GRM5: variants seen among roughly 807,000 people sequenced by gnomAD.
The protein encoded by GRM5 is metabotropic glutamate receptor 5.
In GRM5, 19 loss-of-function variants were observed where a neutral mutation model predicts 83.1. The ratio of observed to expected loss-of-function variants is 0.23; its 90% CI spans 0.16 to 0.34. GRM5 has a LOEUF of 0.34. Among genes scored for constraint, GRM5 ranks in the 10% least tolerant of loss-of-function variants. The pLI, the probability that GRM5 is intolerant of heterozygous loss-of-function variation, is 1.00. For missense variants in GRM5, 1,160 were observed against 1,588.3 expected (o/e 0.73, Z 4.58); for synonymous variants, 675 against 633.6 (o/e 1.07, Z -0.98).
intron 3 of GRM5, among the ~76,000 whole-genome samples, chr11:88,704,968 C>T (rs564925826): frequency 6.6e-6 from 1 of 152,088 alleles, no homozygotes; most frequent in Non-Finnish European, 1.5e-5. Flanking sequence ...TTGTAATTTT[C>T]CTTTCATCTC....
At chr11:88,900,136 A>T (rs557832616) in intron 2 of GRM5, among the ~76,000 whole-genome samples, 33 of 152,174 alleles carry the variant, frequency 2.2e-4, no homozygotes, top group African/African-American at 6.8e-4. Context: ...AATTAGATGT[A>T]GCTTCTACCG....
chr11:88,866,167 T>C (rs1944660484), intron 2 of GRM5, among the ~76,000 whole-genome samples: 1 of 151,992 alleles, frequency 6.6e-6, no homozygotes, highest in African/African-American at 2.4e-5. Context: ...TGTCCATCAG[T>C]GATAGACTGG....
chr11:88,688,881 G>T (rs16914552), intron 3 of GRM5, among the ~76,000 whole-genome samples: 28,879 of 151,994 alleles, frequency 0.19, 5,435 homozygotes, highest in African/African-American at 0.48. Flanking sequence ...TAACCTCCAT[G>T]AGACATGCTT....
At chr11:88,765,473 G>A (rs7937978) in intron 3 of GRM5, among the ~76,000 whole-genome samples, 108,780 of 150,022 alleles carry the variant, frequency 0.73, 39,813 homozygotes, top group African/African-American at 0.75. Context: ...CATAGTAATC[G>A]TAACAGTGTG....
chr11:88,675,381 T>C (rs541257126), intron 3 of GRM5, among the ~76,000 whole-genome samples: 254 of 152,032 alleles, frequency 1.7e-3, no homozygotes, highest in Non-Finnish European at 2.6e-3. Context: ...GAAAGACTAT[T>C]ATAAGAAGAA....
intron 2 of GRM5, among the ~76,000 whole-genome samples, chr11:88,971,237 T>C (rs1939155370): frequency 6.6e-6 from 1 of 152,200 alleles, no homozygotes. Context: ...TATACACATA[T>C]GTGCATATTA....
chr11:88,877,928 C>T (rs978047036), intron 2 of GRM5, among the ~76,000 whole-genome samples: 6 of 151,880 alleles, frequency 4.0e-5, no homozygotes, highest in South Asian at 4.2e-4. Context: ...GTGGGTGCAG[C>T]GCACCAGCAT....
intron 2 of GRM5, among the ~76,000 whole-genome samples, chr11:88,933,792 A>C (rs1937798612): frequency 2.0e-5 from 3 of 151,742 alleles, no homozygotes; most frequent in Admixed American, 1.3e-4. Context: ...TACCTAAATC[A>C]CTCCAAGGGG....
rs1590874364 is a variant in GRM5, at chr11:88,809,781, G to T, written c.911+40125C>A. Among the ~76,000 whole-genome samples, 6 of 145,758 alleles carry T rather than the reference G, an allele frequency of 4.1e-5. No individual in the cohort carries two copies. In the South Asian group the frequency reaches 1.3e-3, roughly 33 times the overall value. ...GCAGTTAATATGTCAAAAAAAAAAA[G>T]TTGAGGAGATTCTTCAGGAATATGG... On this transcript the variant is annotated intron_variant, in intron 3 of 9. Transcript: ENST00000305447.
intron 2 of GRM5, among the ~76,000 whole-genome samples, chr11:89,021,610 A>T (rs945457292): frequency 2.0e-5 from 3 of 152,218 alleles, no homozygotes; most frequent in African/African-American, 7.2e-5. Flanking sequence ...AATTCCCGTG[A>T]TCCCTTGAAA....
At chr11:88,893,676 C>A (rs1207973213) in intron 2 of GRM5, among the ~76,000 whole-genome samples, 1 of 151,954 alleles carries the variant, frequency 6.6e-6, no homozygotes, top group Non-Finnish European at 1.5e-5. Context: ...TGACTGACAG[C>A]AATTAAACTC....
At chr11:89,033,258 T>A (rs1228239277) in intron 2 of GRM5, among the ~76,000 whole-genome samples, 4 of 151,906 alleles carry the variant, frequency 2.6e-5, no homozygotes, top group Non-Finnish European at 5.9e-5. Context: ...CCCAAGGTCA[T>A]CCCAAAGTGG....
chr11:88,955,172 T>C (rs939351090), intron 2 of GRM5, among the ~76,000 whole-genome samples: 2 of 152,218 alleles, frequency 1.3e-5, no homozygotes, highest in African/African-American at 2.4e-5. Flanking sequence ...GGTGAGTAAC[T>C]TGTTCAGTTA....
chr11:88,951,679 G>A (rs1165173677), intron 2 of GRM5, among the ~76,000 whole-genome samples: 1 of 152,180 alleles, frequency 6.6e-6, no homozygotes, highest in Non-Finnish European at 1.5e-5. Flanking sequence ...CTGAGTCTCA[G>A]TTTTCTTTCT....
In GRM5 at chr11:88,845,423, C is replaced by CTTTTTTTTTTTT. The variant is rs71046265; in HGVS notation, c.911+4471_911+4482dup. ...AGGCTACAGTACAGTATAAACATAA[C>CTTTTTTTTTTTT]TTTTTTTTTTTTTTTTTTTTTTTTT... On this transcript the variant is annotated intron_variant, in intron 3 of 9. Coordinates refer to ENST00000305447, the MANE Select transcript of GRM5 (RefSeq NM_001143831.3). Among the ~76,000 whole-genome samples, 77 of 92,424 alleles carry CTTTTTTTTTTTT rather than the reference C, an allele frequency of 8.3e-4. 15 individuals carry two copies. The highest frequency in any genetic ancestry group is 2.4e-3 in the East Asian group (7 of 2,872). The allele number at this position is 92,424 out of a possible 152,430, so 60.6% of individuals were successfully genotyped here. A position where few individuals can be genotyped will look rare whatever the true frequency, so the allele number is the denominator to read the frequency against.
chr11:88,833,008 T>C (rs1021461444), intron 3 of GRM5, among the ~76,000 whole-genome samples: 1 of 151,842 alleles, frequency 6.6e-6, no homozygotes, highest in Non-Finnish European at 1.5e-5. Context: ...ACTATAAAAC[T>C]ACTAAAAGAA....
At chr11:88,934,253 A>T (rs1937816433) in intron 2 of GRM5, among the ~76,000 whole-genome samples, 1 of 151,856 alleles carries the variant, frequency 6.6e-6, no homozygotes, top group Admixed American at 6.6e-5. Flanking sequence ...AATAGAGTTC[A>T]CAATGAGCTC....
chr11:88,725,714 G>T lies in GRM5; in HGVS notation c.912-72311C>A, dbSNP rs1016631602. On this transcript the variant is annotated intron_variant, in intron 3 of 9. Transcript: ENST00000305447. The stretch of plus-strand genomic sequence containing the variant: ...AACAGGCAGCAATTTTTCCTGTTCT[G>T]CAGCCTTTGCTGGTAATACCTAGGC... Among the ~76,000 whole-genome samples the T allele has an allele frequency of 2.6e-5, 4 of 152,124 alleles. No homozygotes were observed. The East Asian group carries it at 5.8e-4, about 22-fold the overall frequency.
intron 2 of GRM5, among the ~76,000 whole-genome samples, chr11:88,930,273 G>T (rs2135645447): frequency 6.6e-6 from 1 of 151,914 alleles, no homozygotes; most frequent in East Asian, 2.0e-4. Context: ...AATTAGTTTG[G>T]CATAGTGAAG....
Sources: allele counts gnomAD v4.1 joint callset (sites outside exome capture counted in the v4.1 genomes callset), GRCh38; gene constraint gnomAD v4.1.1; transcripts MANE v1.5; gene names NCBI Gene and HGNC (gene_info 2026-07-23, HGNC 2026-07-21).